The following LPIN1 variants were observed in gnomAD, a reference collection of about 807,000 sequenced individuals.
LPIN1 encodes the protein lipin 1, also known as phosphatidate phosphatase LPIN1.
A neutral mutation model predicts 107.5 loss-of-function variants in LPIN1; 71 were observed. The observed-to-expected ratio is 0.66, with a 90% CI of 0.55 to 0.80. The LOEUF (loss-of-function observed/expected upper bound fraction) is 0.80. Ranked by LOEUF, LPIN1 falls within the 30% of genes least tolerant of loss-of-function variation. The pLI is 0.00. For missense variants in LPIN1, 1,043 were observed against 1,160.6 expected (o/e 0.90, Z 1.47); for synonymous variants, 445 against 452.6 (o/e 0.98, Z 0.21).
At position 11,758,130 on chromosome 2, in the gene LPIN1, C is replaced by T. The variant is rs565758235; in HGVS notation, c.-9-7403C>T. ...TTCTTTTTAAGGCTCAGTAATAGTC[C>T]ATGATATGGATGGACCGCATTTTGC... is the stretch of plus-strand genomic sequence containing the variant. On this transcript the variant is annotated intron_variant, in intron 1 of 20. Coordinates refer to ENST00000674199, the MANE Select transcript of LPIN1 (RefSeq NM_001349206.2). 2.6e-5 allele frequency among the ~76,000 whole-genome samples: 4 copies of T among 152,294 alleles called. No homozygotes were observed. In the East Asian group the frequency reaches 5.8e-4, roughly 22 times the overall value.
intron 14 of LPIN1, among the ~76,000 whole-genome samples, chr2:11,799,312 C>T (rs901061877): frequency 1.5e-4 from 23 of 151,970 alleles, no homozygotes; most frequent in African/African-American, 2.2e-4. Context: ...CTCATCCCGC[C>T]GGCAGAGGTA....
intron 13 of LPIN1, among the ~76,000 whole-genome samples, chr2:11,793,035 A>G (rs1366379759): frequency 2.0e-5 from 3 of 152,192 alleles, no homozygotes; most frequent in African/African-American, 7.2e-5. Flanking sequence ...CAAACCAGAC[A>G]TTCTTTTCTA....
At chr2:11,748,237 C>A (rs913551705) in intron 1 of LPIN1, among the ~76,000 whole-genome samples, 1 of 152,188 alleles carries the variant, frequency 6.6e-6, no homozygotes, top group Non-Finnish European at 1.5e-5. Context: ...CTGCTCTTTG[C>A]GTGGTCAGCT....
intron 15 of LPIN1, 80 bp from the exon 16 acceptor site, chr2:11,804,343 C>G: frequency 6.6e-7 from 1 of 1,512,382 alleles, no homozygotes; most frequent in Admixed American, 1.7e-5. Context: ...AATCCTGCTT[C>G]TCATAGAACA....
chr2:11,741,111 C>A, intron 1 of LPIN1: 1 of 366,740 alleles, frequency 2.7e-6, no homozygotes, highest in Non-Finnish European at 4.9e-6. Flanking sequence ...GCCTTCACAG[C>A]AGCACAAATG....
At chr2:11,792,373 C>T (rs1675911010) in intron 13 of LPIN1, 2 of 235,006 alleles carry the variant, frequency 8.5e-6, no homozygotes, top group South Asian at 5.7e-5. Flanking sequence ...TTTTCTTTTT[C>T]TCCCCTCCCC....
chr2:11,721,261 T>A (rs901827191), upstream of LPIN1, among the ~76,000 whole-genome samples: 5 of 127,864 alleles, frequency 3.9e-5, no homozygotes, highest in African/African-American at 1.5e-4. Flanking sequence ...CTGTACTGCA[T>A]GCGTGTGTGT....
intron 20 of LPIN1, among the ~76,000 whole-genome samples, chr2:11,823,982 G>A (rs1383901062): frequency 2.0e-5 from 3 of 152,046 alleles, no homozygotes; most frequent in Non-Finnish European, 4.4e-5. Flanking sequence ...TCTCTAAGAC[G>A]TGTTGATAAT....
Position 11,803,151 on chromosome 2 carries a change from C to A in LPIN1, c.2013+118C>A. The A allele has an allele frequency of 7.2e-7, 1 of 1,394,478 alleles. No homozygotes were observed. Among genetic ancestry groups the A allele is most frequent in the Non-Finnish European group, 1.0e-6 (1 of 995,082 alleles). The allele number at this position is 1,394,478 out of a possible 1,614,324, so 86.4% of individuals were successfully genotyped here. ...CTTGTCACCTTTCATCCCAGGGGGC[C>A]TGCAATCCCTCAACTGGGTACCCGC... On this transcript the variant is annotated intron_variant, in intron 15 of 20. Coordinates refer to ENST00000674199, the MANE Select transcript of LPIN1 (RefSeq NM_001349206.2). The surrounding 1 kb of genome is among the most constrained non-coding windows in gnomAD (Gnocchi z 4.2).
chr2:11,746,927 C>T (rs1667038837), intron 1 of LPIN1, among the ~76,000 whole-genome samples: 1 of 152,186 alleles, frequency 6.6e-6, no homozygotes, highest in African/African-American at 2.4e-5. Flanking sequence ...TTTCCTGACG[C>T]GCCGCGAGGC....
At chr2:11,814,152 A>AAG (rs1680160875) in intron 17 of LPIN1, among the ~76,000 whole-genome samples, 1 of 151,980 alleles carries the variant, frequency 6.6e-6, no homozygotes, top group South Asian at 2.1e-4. Flanking sequence ...TGTGTCTGGG[A>AAG]AGCGGTGGCT....
chr2:11,784,936 C>T lies in LPIN1; in HGVS notation c.1409C>T (p.Ser470Leu), dbSNP rs1268753673. The T allele has an allele frequency of 1.9e-6, 3 of 1,614,004 alleles. No homozygotes were observed. Among genetic ancestry groups the T allele is most frequent in the Non-Finnish European group, 2.5e-6 (3 of 1,180,028 alleles). ...AKHASDNGAR[S>L]ANQSPQSVGS... ...CATGCAAGCGACAACGGAGCCCGGT[C>T]AGCCAACCAGTCCCCGCAGTCGGTG... is the stretch of plus-strand genomic sequence containing the variant. The change falls in exon 10 of 21, where the codon TCA (serine) becomes TTA (leucine). Residue 470 changes from serine (S) to leucine (L), a missense_variant. Coordinates refer to ENST00000674199, the MANE Select transcript of LPIN1 (RefSeq NM_001349206.2).
At chr2:11,764,372 C>T (rs1670446070) in intron 1 of LPIN1, 1 of 152,220 alleles carries the variant, frequency 6.6e-6, no homozygotes, top group Non-Finnish European at 1.5e-5. Context: ...ATCTCGAACT[C>T]CTGGGCTCAA....
In LPIN1 at chr2:11,784,952, G is replaced by A. The variant is rs376231942; in HGVS notation, c.1425G>A (p.Pro475=). The A allele has an allele frequency of 5.6e-6, 9 of 1,613,934 alleles. No individual in the cohort carries two copies. Among genetic ancestry groups the A allele is most frequent in the Non-Finnish European group, 7.6e-6 (9 of 1,180,006 alleles). Residue 475 remains proline, a synonymous_variant, in exon 10 of 21, where the codon CCG becomes CCA. Coordinates refer to ENST00000674199, the MANE Select transcript of LPIN1 (RefSeq NM_001349206.2). ...DNGARSANQS[P]QSVGSSGVDS... is the part of the protein sequence containing the mutation. ...GAGCCCGGTCAGCCAACCAGTCCCCGCAGTCGGTGGGCAGCTCGGGCGTGG... is the reference window on the plus strand; with the variant it reads ...GAGCCCGGTCAGCCAACCAGTCCCCACAGTCGGTGGGCAGCTCGGGCGTGG...
At chr2:11,744,667 A>C (rs879928505), upstream of LPIN1, among the ~76,000 whole-genome samples, 3 of 152,188 alleles carry the variant, frequency 2.0e-5, no homozygotes, top group Non-Finnish European at 4.4e-5. Context: ...AAATAAACTT[A>C]AGTGGCCTGA....
intron 1 of LPIN1, among the ~76,000 whole-genome samples, chr2:11,733,315 T>C (rs1665438891): frequency 6.6e-6 from 1 of 152,164 alleles, no homozygotes; most frequent in South Asian, 2.1e-4. Flanking sequence ...CTCATATACA[T>C]TGGAGCCTGG....
intron 13 of LPIN1, among the ~76,000 whole-genome samples, chr2:11,792,693 A>G (rs1260603090): frequency 2.0e-5 from 3 of 152,174 alleles, no homozygotes; most frequent in African/African-American, 7.2e-5. Context: ...TGTGAGGACA[A>G]TTTTAATGAG....
chr2:11,793,970 G>A (rs1676230497), intron 13 of LPIN1, among the ~76,000 whole-genome samples: 1 of 152,194 alleles, frequency 6.6e-6, no homozygotes, highest in African/African-American at 2.4e-5. Context: ...GTATGAAGAA[G>A]CCACAGGGAC....
intron 12 of LPIN1, among the ~76,000 whole-genome samples, chr2:11,791,529 CAT>C (rs1675724617): frequency 6.6e-6 from 1 of 152,162 alleles, no homozygotes; most frequent in African/African-American, 2.4e-5. Flanking sequence ...TTAATCATTT[CAT>C]ATTTTATTTG....
Sources: gnomAD v4.1 joint callset for allele counts (sites outside exome capture counted in the v4.1 genomes callset) on GRCh38, gnomAD v4.1.1 for gene constraint, Gnocchi (gnomAD v3.1) non-coding constraint, MANE v1.5 for transcripts, NCBI Gene and HGNC (gene_info 2026-07-23, HGNC 2026-07-21) for gene names.